Variants in SCN3A observed in about 807,000 individuals in gnomAD.
The protein encoded by SCN3A is sodium voltage-gated channel alpha subunit 3.
A neutral mutation model predicts 187.6 loss-of-function variants in SCN3A; 60 were observed. The observed-to-expected ratio is 0.32, with a 90% CI of 0.26 to 0.40. The LOEUF (loss-of-function observed/expected upper bound fraction) is 0.40, where lower values mean the gene tolerates loss of function less well. Among genes scored for constraint, SCN3A ranks in the 10% least tolerant of loss-of-function variants. The pLI is 1.00. For missense variants in SCN3A, 1,601 were observed against 2,428.2 expected (o/e 0.66, Z 7.16); for synonymous variants, 788 against 829.2 (o/e 0.95, Z 0.85).
intron 2 of SCN3A, among the ~76,000 whole-genome samples, chr2:165,178,762 CGAA>C (rs982644307): frequency 1.3e-5 from 2 of 151,832 alleles, no homozygotes; most frequent in African/African-American, 4.8e-5. Flanking sequence ...GTACATGAAT[CGAA>C]AGGTTTGAGA....
At chr2:165,133,735 C>T (rs1356988979) in intron 15 of SCN3A, among the ~76,000 whole-genome samples, 1 of 150,394 alleles carries the variant, frequency 6.6e-6, no homozygotes, top group Non-Finnish European at 1.5e-5. Context: ...CCAAGAAAAA[C>T]ACTAATTTTA....
At chr2:165,168,880 GA>G in intron 4 of SCN3A, 55 bp from the exon 5 acceptor site, 1 of 1,205,750 alleles carries the variant, frequency 8.3e-7, no homozygotes, top group Non-Finnish European at 1.2e-6. Context: ...ATTTATAAAT[GA>G]TCCAAAACAC....
At chr2:165,105,282 T>G (rs574514864) in intron 21 of SCN3A, among the ~76,000 whole-genome samples, 1 of 152,216 alleles carries the variant, frequency 6.6e-6, no homozygotes, top group Non-Finnish European at 1.5e-5. Context: ...AACAGTTATC[T>G]ACATTGTTGT....
intron 5 of SCN3A, among the ~76,000 whole-genome samples, chr2:165,165,528 C>T (rs534405592): frequency 7.9e-5 from 12 of 152,174 alleles, no homozygotes; most frequent in African/African-American, 2.9e-4. Context: ...TATTTCTAGC[C>T]CTCTTTTCTT....
At chr2:165,173,360 G>A (rs1213771300) in intron 3 of SCN3A, among the ~76,000 whole-genome samples, 3 of 152,148 alleles carry the variant, frequency 2.0e-5, no homozygotes, top group Non-Finnish European at 4.4e-5. Flanking sequence ...CTTAAGGAGT[G>A]TGGCCTTGAG....
rs966212514 is a variant in SCN3A at position 165,089,803 on chromosome 2, T to C, written c.*347A>G. On this transcript the variant is annotated 3_prime_UTR_variant, in exon 28 of 28. Transcript: ENST00000283254. ...ACAAATTTTGTAAAAATATGGCAGA[T>C]ATGGAAGTTAAAAATAGAATGGATG... 2 of 209,938 alleles carry C rather than the reference T, an allele frequency of 9.5e-6. No homozygotes were observed. The highest frequency in any genetic ancestry group is 4.7e-5 in the African/African-American group (2 of 42,874). The allele number at this position is 209,938 out of a possible 1,614,324, so 13.0% of individuals were successfully genotyped here.
At chr2:165,198,331 T>G (rs1692098477) in intron 1 of SCN3A, among the ~76,000 whole-genome samples, 1 of 151,950 alleles carries the variant, frequency 6.6e-6, no homozygotes, top group Non-Finnish European at 1.5e-5. Flanking sequence ...GGAATCTGAG[T>G]GCCAATGTAG....
intron 21 of SCN3A, 147 bp downstream of exon 21, chr2:165,112,738 T>G (rs1686181755): frequency 1.4e-6 from 1 of 702,110 alleles, no homozygotes; most frequent in Non-Finnish European, 2.4e-6. Context: ...CCATGAGATA[T>G]TCCTCATTGT....
At chr2:165,203,066 T>G (rs902513816) in intron 1 of SCN3A, among the ~76,000 whole-genome samples, 6 of 151,740 alleles carry the variant, frequency 4.0e-5, no homozygotes, top group African/African-American at 1.5e-4. Flanking sequence ...TTCCTGGTAA[T>G]TAATAAAAAT....
At chr2:165,168,442 A>G (rs1689908926) in intron 5 of SCN3A, among the ~76,000 whole-genome samples, 1 of 152,016 alleles carries the variant, frequency 6.6e-6, no homozygotes, top group African/African-American at 2.4e-5. Flanking sequence ...TTTTATCTCA[A>G]ATGATTAACC....
At position 165,154,614 on chromosome 2, in the gene SCN3A, C is replaced by A; in HGVS notation, c.1218G>T (p.Leu406=). ...AGKTYMIFFV[L]VIFLGSFYLV... is the part of the protein sequence containing the mutation. ...AATAAAATGAGCCCAAGAAAATGAC[C>A]AGGACAAAAAATATCATGTATGTTT... The change falls in exon 11 of 28, where the codon CTG becomes CTT. Residue 406 remains leucine, a synonymous_variant. Coordinates refer to ENST00000283254, the MANE Select transcript of SCN3A (RefSeq NM_006922.4). 6.2e-7 allele frequency: 1 copy of A among 1,614,060 alleles called. No homozygotes were observed. Among genetic ancestry groups the A allele is most frequent in the Non-Finnish European group, 8.5e-7 (1 of 1,180,000 alleles).
intron 18 of SCN3A, among the ~76,000 whole-genome samples, chr2:165,126,194 CTTT>C (rs1686979153): frequency 6.6e-6 from 1 of 152,178 alleles, no homozygotes; most frequent in South Asian, 2.1e-4. Flanking sequence ...CAAAACCTGT[CTTT>C]GATAACTCCA....
At chr2:165,144,331 T>TTATC (rs5836015) in intron 12 of SCN3A, among the ~76,000 whole-genome samples, 32,326 of 152,048 alleles carry the variant, frequency 0.21, 3,407 homozygotes, top group East Asian at 0.3. Flanking sequence ...ACTTTTGAAA[T>TTATC]TATCCATCTA....
At chr2:165,170,026 G>A (rs1417212631) in intron 4 of SCN3A, among the ~76,000 whole-genome samples, 1 of 151,684 alleles carries the variant, frequency 6.6e-6, no homozygotes, top group Non-Finnish European at 1.5e-5. Context: ...ACACAAAGAA[G>A]GATAAATCCA....
intron 26 of SCN3A, 82 bp downstream of exon 26, chr2:165,094,292 T>A: frequency 1.0e-6 from 1 of 980,410 alleles, no homozygotes; most frequent in African/African-American, 1.6e-5. Context: ...TATCACCTAA[T>A]ATGTTCTGCT....
chr2:165,180,638 A>G (rs561801560), intron 2 of SCN3A, among the ~76,000 whole-genome samples: 1 of 152,124 alleles, frequency 6.6e-6, no homozygotes, highest in East Asian at 1.9e-4. Context: ...TTTGGGAGCA[A>G]TGACAAGCAA....
chr2:165,203,376 T>C (rs1692439719), intron 1 of SCN3A, among the ~76,000 whole-genome samples: 1 of 151,986 alleles, frequency 6.6e-6, no homozygotes, highest in Admixed American at 6.6e-5. Flanking sequence ...TCACTCCCTA[T>C]ATGCATGGCC....
chr2:165,124,530 G>A (rs997204347), intron 18 of SCN3A, among the ~76,000 whole-genome samples: 8 of 151,676 alleles, frequency 5.3e-5, no homozygotes, highest in Non-Finnish European at 1.0e-4. Context: ...TATTTGATGA[G>A]CTCCTCCATT....
At chr2:165,145,979 A>G (rs1259082434) in intron 12 of SCN3A, among the ~76,000 whole-genome samples, 2 of 152,156 alleles carry the variant, frequency 1.3e-5, no homozygotes, top group African/African-American at 4.8e-5. Context: ...AACTTACTAA[A>G]CATCAAATAA....
Sources: allele counts gnomAD v4.1 joint callset (sites outside exome capture counted in the v4.1 genomes callset), GRCh38; gene constraint gnomAD v4.1.1; transcripts MANE v1.5; gene names NCBI Gene and HGNC (gene_info 2026-07-23, HGNC 2026-07-21).